The following PAXBP1 variants were observed in gnomAD, a reference collection of about 807,000 sequenced individuals.
PAXBP1 encodes the protein PAX3 and PAX7 binding protein 1.
Under a neutral mutation model 119.9 loss-of-function variants are expected in PAXBP1, and 44 were observed. That is an observed-to-expected ratio of 0.37 (90% CI 0.29 to 0.47). The LOEUF is 0.47. Among genes scored for constraint, PAXBP1 ranks in the 20% least tolerant of loss-of-function variants. The pLI is 0.99. For missense variants in PAXBP1, 898 were observed against 1,134.1 expected (o/e 0.79, Z 2.99); for synonymous variants, 393 against 406.6 (o/e 0.97, Z 0.40).
At chr21:32,753,120 A>T (rs141657435) in intron 8 of PAXBP1, among the ~76,000 whole-genome samples, 6 of 152,134 alleles carry the variant, frequency 3.9e-5, no homozygotes, top group African/African-American at 1.4e-4. Context: ...AACTATAAAA[A>T]TAATTCCAGA....
Position 32,751,227 on chromosome 21 carries a change from C to T in PAXBP1, c.1508-9G>A. 1 of 1,612,740 alleles carries T rather than the reference C, an allele frequency of 6.2e-7. No individual in the cohort carries two copies. Among genetic ancestry groups the T allele is most frequent in the Non-Finnish European group, 8.5e-7 (1 of 1,178,860 alleles). ...TGCCATCAGAGCTTTGTCTGCAAAACAACAACAGTTAAAATTAAAAGCCAT... is the reference window on the plus strand; with the variant it reads ...TGCCATCAGAGCTTTGTCTGCAAAATAACAACAGTTAAAATTAAAAGCCAT... On this transcript the variant is annotated splice_polypyrimidine_tract_variant and intron_variant, in intron 8 of 17. Coordinates refer to ENST00000331923, the MANE Select transcript of PAXBP1 (RefSeq NM_016631.4).
At chr21:32,750,610 C>T (rs1020053473) in intron 10 of PAXBP1, among the ~76,000 whole-genome samples, 1 of 152,204 alleles carries the variant, frequency 6.6e-6, no homozygotes, top group African/African-American at 2.4e-5. Context: ...CCAGACCAGA[C>T]AGGCTGCAAT....
At chr21:32,749,258 G>C (rs1461211662) in intron 10 of PAXBP1, among the ~76,000 whole-genome samples, 2 of 151,250 alleles carry the variant, frequency 1.3e-5, no homozygotes, top group African/African-American at 2.4e-5. Flanking sequence ...GAAGTGGTGC[G>C]ATCTCAGCTC....
At chr21:32,739,967 A>AG (rs1304760538) in intron 15 of PAXBP1, among the ~76,000 whole-genome samples, 1 of 148,578 alleles carries the variant, frequency 6.7e-6, no homozygotes, top group South Asian at 2.1e-4. Context: ...AAAAAAAAAA[A>AG]GGCAATTTGT....
At chr21:32,747,297 C>A (rs114768488) in intron 11 of PAXBP1, among the ~76,000 whole-genome samples, 259 of 152,182 alleles carry the variant, frequency 1.7e-3, no homozygotes, top group Middle Eastern at 6.8e-3. Context: ...AAGACTATGA[C>A]CCTTTAAAGA....
Position 32,751,230 on chromosome 21 carries a change from C to G in PAXBP1, c.1508-12G>C, listed in dbSNP as rs756127821. 2 of 1,612,674 alleles carry G rather than the reference C, an allele frequency of 1.2e-6. No individual in the cohort carries two copies. Among genetic ancestry groups the G allele is most frequent in the Non-Finnish European group, 8.5e-7 (1 of 1,178,856 alleles). ...CATCAGAGCTTTGTCTGCAAAACAA[C>G]AACAGTTAAAATTAAAAGCCATCTT... is the stretch of plus-strand genomic sequence containing the variant. On this transcript the variant is annotated splice_polypyrimidine_tract_variant and intron_variant, in intron 8 of 17. Coordinates refer to ENST00000331923, the MANE Select transcript of PAXBP1 (RefSeq NM_016631.4).
At chr21:32,759,014 C>T (rs1241583420) in intron 7 of PAXBP1, 66 bp downstream of exon 7, 1 of 1,470,212 alleles carries the variant, frequency 6.8e-7, no homozygotes, top group Non-Finnish European at 9.4e-7. Flanking sequence ...GAATGTTCTA[C>T]ACAAGGCCAT....
Position 32,771,704 on chromosome 21 carries a change from C to T in PAXBP1, c.-36G>A, listed in dbSNP as rs377235648. ...CGCACGGCGGTCGAATACTCGCTTC[C>T]ACACCGCGGCCCCGGCAGCGCCGAG... On this transcript the variant is annotated 5_prime_UTR_variant, in exon 1 of 18. Transcript: ENST00000331923. 1.1e-4 allele frequency: 148 copies of T among 1,351,732 alleles called. No individual in the cohort carries two copies. The highest frequency in any genetic ancestry group is 1.4e-4 in the Non-Finnish European group (145 of 1,052,460). The allele number at this position is 1,351,732 out of a possible 1,614,324, so 83.7% of individuals were successfully genotyped here.
chr21:32,738,839 C>T (rs1429093160), intron 15 of PAXBP1, among the ~76,000 whole-genome samples: 1 of 152,182 alleles, frequency 6.6e-6, no homozygotes. Flanking sequence ...AGCCCCATCC[C>T]ATCCCACCAT....
intron 6 of PAXBP1, 127 bp from the exon 7 acceptor site, chr21:32,759,396 T>A: frequency 1.0e-6 from 1 of 979,288 alleles, no homozygotes; most frequent in Admixed American, 3.0e-5. Context: ...GAATGGCATC[T>A]TTTCCTCTGT....
intron 11 of PAXBP1, 21 bp from the exon 12 acceptor site, chr21:32,745,739 T>C (rs750767039): frequency 1.9e-6 from 3 of 1,612,952 alleles, no homozygotes; most frequent in Admixed American, 1.7e-5. Context: ...TTTAAAAGGT[T>C]ACCCAAATAC....
Position 32,771,642 on chromosome 21 carries a change from G to T in PAXBP1, c.27C>A (p.Asn9Lys). Residue 9 changes from asparagine (N) to lysine (K), a missense_variant, in exon 1 of 18, where the codon AAC becomes AAA. Transcript: ENST00000331923. ...CTTCGGAGTCGTTCCGCTTGCGCAC[G>T]TTCACCCGCCGGGCCTTTCGGAACA... is the stretch of plus-strand genomic sequence containing the variant. MFRKARRVNVRKRNDSEEE... is the reference protein window; with the variant it reads MFRKARRVKVRKRNDSEEE... 1 of 1,445,282 alleles carries T rather than the reference G, an allele frequency of 6.9e-7. No individual in the cohort carries two copies. The highest frequency in any genetic ancestry group is 9.1e-7 in the Non-Finnish European group (1 of 1,101,404). 89.5% of individuals were successfully genotyped at this position (1,445,282 alleles called of 1,614,324 possible).
rs1009955446 is a variant in PAXBP1, at chr21:32,735,155, T to C, written c.2637-88A>G. ...GATTTCATGGCTATTTTAGAGCTTC[T>C]GCAATCAATTTTTCCAAGCACACAT... On this transcript the variant is annotated intron_variant, in intron 17 of 17. Transcript: ENST00000331923. 1.4e-5 allele frequency: 12 copies of C among 832,006 alleles called. No homozygotes were observed. In the Admixed American group the frequency reaches 1.8e-4, roughly 13 times the overall value. The allele number at this position is 832,006 out of a possible 1,614,324, so 51.5% of individuals were successfully genotyped here.
rs1351349515 is a variant in PAXBP1, at chr21:32,769,849, G to T, written c.437C>A (p.Ser146Ter). The change falls in exon 2 of 18, where the codon TCG becomes TAG. Residue 146 changes from serine to a stop codon, truncating the protein, a stop_gained. Coordinates refer to ENST00000331923, the MANE Select transcript of PAXBP1 (RefSeq NM_016631.4). LOFTEE classifies it high-confidence loss of function. ...TGAGTTGAGTTCTGTCTTAATCTTC[G>T]ATTTTTCAAGATCTTCTTTATATTC... ...KKEYKEDLEK[S>*]KIKTELNSSA... is the part of the protein sequence containing the mutation. The T allele has an allele frequency of 1.2e-6, 2 of 1,600,168 alleles. No individual in the cohort carries two copies. The highest frequency in any genetic ancestry group is 1.7e-6 in the Non-Finnish European group (2 of 1,175,582).
In PAXBP1 at chr21:32,764,511, C is replaced by A; in HGVS notation, c.486G>T (p.Leu162Phe). 6.3e-7 allele frequency: 1 copy of A among 1,594,926 alleles called. No homozygotes were observed. Among genetic ancestry groups the A allele is most frequent in the South Asian group, 1.2e-5 (1 of 85,334 alleles). Residue 162 changes from leucine to phenylalanine, a missense_variant, in exon 3 of 18, where the codon TTG (leucine) becomes TTT (phenylalanine). Around this residue, in one of 2 missense-constraint regions of PAXBP1, gnomAD observed 299 missense variants for 281.4 expected, o/e 1.06. Transcript: ENST00000331923. ...LNSSAESEQPLDKTGHVKDTN... is the reference protein window; with the variant it reads ...LNSSAESEQPFDKTGHVKDTN... Reference sequence around the variant, plus strand: ...TATCCTTAACATGTCCTGTTTTGTCCAAAGGTTGTTCACCTAAATTTTTGA... The same window carrying A: ...TATCCTTAACATGTCCTGTTTTGTCAAAAGGTTGTTCACCTAAATTTTTGA...
intron 12 of PAXBP1, 101 bp downstream of exon 12, chr21:32,745,473 T>G (rs775683194): frequency 6.7e-6 from 10 of 1,493,546 alleles, no homozygotes; most frequent in Non-Finnish European, 9.2e-6. Flanking sequence ...ATTTCTCATG[T>G]AATTTCTATA....
At chr21:32,747,350 C>A (rs2043889967) in intron 11 of PAXBP1, among the ~76,000 whole-genome samples, 1 of 152,166 alleles carries the variant, frequency 6.6e-6, no homozygotes. Flanking sequence ...GACAGCAGAG[C>A]AGTTTTGCTG....
In PAXBP1 at chr21:32,743,210, C is replaced by G; in HGVS notation, c.2334+38G>C. 3.4e-6 allele frequency: 5 copies of G among 1,485,702 alleles called. No individual in the cohort carries two copies. In the East Asian group the frequency reaches 1.1e-4, roughly 34 times the overall value. 92.0% of individuals were successfully genotyped at this position (1,485,702 alleles called of 1,614,324 possible). ...AAAAAATGTAATATATGAAGTCAAA[C>G]GAAATCTGAGTCTTTTAGATAGTCT... On this transcript the variant is annotated intron_variant, in intron 15 of 17. Transcript: ENST00000331923.
intron 16 of PAXBP1, 110 bp from the exon 17 acceptor site, chr21:32,737,518 C>G: frequency 1.1e-6 from 1 of 873,512 alleles, no homozygotes; most frequent in Admixed American, 2.8e-5. Flanking sequence ...AGACGTGCTT[C>G]TGAGCTACAG....
Sources: allele counts gnomAD v4.1 joint callset (sites outside exome capture counted in the v4.1 genomes callset), GRCh38; gene constraint gnomAD v4.1.1; regional missense constraint gnomAD v4.1.1; transcripts MANE v1.5; gene names NCBI Gene and HGNC (gene_info 2026-07-23, HGNC 2026-07-21).